MARCHF4: variants seen among roughly 807,000 people sequenced by gnomAD.
MARCHF4 encodes E3 ubiquitin-protein ligase MARCHF4.
MARCHF4 carries 14 observed loss-of-function variants against 43.9 expected under a neutral mutation model. The observed-to-expected ratio is 0.32, with a 90% CI of 0.21 to 0.50. MARCHF4 has a LOEUF of 0.50. Among genes scored for constraint, MARCHF4 ranks in the 20% least tolerant of loss-of-function variants. MARCHF4 has a pLI of 0.98. For missense variants in MARCHF4, 468 were observed against 536.7 expected (o/e 0.87, Z 1.27); for synonymous variants, 226 against 213.3 (o/e 1.06, Z -0.52).
intron 2 of MARCHF4, among the ~76,000 whole-genome samples, chr2:216,278,526 G>T (rs1691071880): frequency 6.6e-6 from 1 of 152,106 alleles, no homozygotes; most frequent in South Asian, 2.1e-4. Context: ...TGCCCAGCCT[G>T]CCCCCAGATC....
intron 1 of MARCHF4, among the ~76,000 whole-genome samples, chr2:216,368,552 A>G (rs1318905633): frequency 6.6e-6 from 1 of 152,214 alleles, no homozygotes; most frequent in Non-Finnish European, 1.5e-5. Context: ...AAAGCAAGAA[A>G]ATGAATGAAA....
chr2:216,354,932 T>TTTCTTTCTTTC (rs1692468031), intron 1 of MARCHF4, among the ~76,000 whole-genome samples: 2 of 134,590 alleles, frequency 1.5e-5, no homozygotes, highest in African/African-American at 5.8e-5. Flanking sequence ...TCTTTCTTTC[T>TTTCTTTCTTTC]TTCTTTCTTT....
At chr2:216,262,410 T>G (rs1690755593) in intron 3 of MARCHF4, among the ~76,000 whole-genome samples, 1 of 152,166 alleles carries the variant, frequency 6.6e-6, no homozygotes, top group Admixed American at 6.5e-5. Context: ...GAGAATTATA[T>G]GTACTTGCAA....
chr2:216,271,083 G>A (rs903082273), intron 3 of MARCHF4, among the ~76,000 whole-genome samples: 5 of 152,072 alleles, frequency 3.3e-5, no homozygotes, highest in African/African-American at 7.3e-5. Context: ...TTCCCCATTC[G>A]AAATTTTATC....
At chr2:216,359,949 AG>A (rs1692551684) in intron 1 of MARCHF4, among the ~76,000 whole-genome samples, 1 of 152,086 alleles carries the variant, frequency 6.6e-6, no homozygotes, top group Non-Finnish European at 1.5e-5. Flanking sequence ...CTCCTCCTCC[AG>A]GGCCCACACC....
At chr2:216,323,999 C>A (rs1466527992) in intron 1 of MARCHF4, among the ~76,000 whole-genome samples, 1 of 151,980 alleles carries the variant, frequency 6.6e-6, no homozygotes, top group African/African-American at 2.4e-5. Flanking sequence ...CACAAAAAAA[C>A]CCTTCAAAAA....
intron 1 of MARCHF4, among the ~76,000 whole-genome samples, chr2:216,320,624 TTTCTTTCTTTCTTTCTTTC>T (rs1691867082): frequency 1.2e-5 from 1 of 86,332 alleles, no homozygotes; most frequent in Non-Finnish European, 2.3e-5. Flanking sequence ...TCTTTCTTTC[TTTCTTTCTTTCTTTCTTTC>T]TTTCTTTCTT....
At chr2:216,357,678 T>C (rs945190757) in intron 1 of MARCHF4, among the ~76,000 whole-genome samples, 1 of 152,236 alleles carries the variant, frequency 6.6e-6, no homozygotes, top group Non-Finnish European at 1.5e-5. Context: ...AGTTATTTTA[T>C]AAAATCTCTC....
intron 1 of MARCHF4, among the ~76,000 whole-genome samples, chr2:216,310,676 T>C (rs1265541397): frequency 6.6e-6 from 1 of 152,186 alleles, no homozygotes; most frequent in Non-Finnish European, 1.5e-5. Flanking sequence ...ACCTTCAAAG[T>C]AGTGGTGGGT....
chr2:216,342,587 T>G (rs1259654146), intron 1 of MARCHF4, among the ~76,000 whole-genome samples: 2 of 152,028 alleles, frequency 1.3e-5, no homozygotes, highest in African/African-American at 4.8e-5. Flanking sequence ...TGAACCTGCA[T>G]GGAGAAGTGG....
chr2:216,326,575 T>C (rs968366090), intron 1 of MARCHF4, among the ~76,000 whole-genome samples: 23 of 151,828 alleles, frequency 1.5e-4, no homozygotes, highest in African/African-American at 5.1e-4. Context: ...TGTCCAACAA[T>C]GATAGACTGG....
At chr2:216,332,509 C>T (rs749645853) in intron 1 of MARCHF4, among the ~76,000 whole-genome samples, 114 of 151,250 alleles carry the variant, frequency 7.5e-4, no homozygotes, top group Non-Finnish European at 1.1e-3. Context: ...GCTCTGTATA[C>T]GTGCCAGTGC....
chr2:216,323,335 C>T (rs1691936557), intron 1 of MARCHF4, among the ~76,000 whole-genome samples: 2 of 152,134 alleles, frequency 1.3e-5, no homozygotes, highest in Admixed American at 6.5e-5. Context: ...CCCTGAATTT[C>T]AGTTTCAGCA....
intron 1 of MARCHF4, among the ~76,000 whole-genome samples, chr2:216,345,857 A>G (rs533640033): frequency 1.1e-4 from 17 of 152,230 alleles, no homozygotes; most frequent in African/African-American, 3.9e-4. Flanking sequence ...TATGCTAGAG[A>G]ACTAACCTCT....
intron 3 of MARCHF4, among the ~76,000 whole-genome samples, chr2:216,266,970 T>C (rs1232101418): frequency 1.3e-5 from 2 of 152,236 alleles, no homozygotes; most frequent in Non-Finnish European, 2.9e-5. Context: ...AAGTAGTTTA[T>C]TTAAGTAAAC....
At chr2:216,312,268 G>C (rs1157141017) in intron 1 of MARCHF4, among the ~76,000 whole-genome samples, 2 of 152,118 alleles carry the variant, frequency 1.3e-5, no homozygotes, top group Non-Finnish European at 2.9e-5. Flanking sequence ...CTTCATCCAT[G>C]TTGCTACAAA....
rs185820248 is a variant in MARCHF4 at position 216,278,635 on chromosome 2, T to A, written c.673-771A>T. Among the ~76,000 whole-genome samples the A allele has an allele frequency of 7.4e-4, 113 of 152,304 alleles. 2 individuals carry two copies. In the East Asian group the frequency reaches 0.015, roughly 20 times the overall value. On this transcript the variant is annotated intron_variant, in intron 2 of 3. Coordinates refer to ENST00000273067, the MANE Select transcript of MARCHF4 (RefSeq NM_020814.3). ...TTTTTTTTTCTTGCTTTCTACAACA[T>A]CACCTTGCATGCCTCTTAATTTATA...
At chr2:216,283,535 C>T in intron 2 of MARCHF4, 39 bp downstream of exon 2, 1 of 1,552,086 alleles carries the variant, frequency 6.4e-7, no homozygotes, top group South Asian at 1.2e-5. Flanking sequence ...TGTGGAAGCC[C>T]CAGGCCCAGC....
At position 216,259,009 on chromosome 2, in the gene MARCHF4, A is replaced by C; in HGVS notation, c.*303T>G. 4.2e-6 allele frequency: 1 copy of C among 236,280 alleles called. No homozygotes were observed. The highest frequency in any genetic ancestry group is 8.3e-6 in the Non-Finnish European group (1 of 120,212). The allele number at this position is 236,280 out of a possible 1,614,324, so 14.6% of individuals were successfully genotyped here. A position where few individuals can be genotyped will look rare whatever the true frequency, so the allele number is the denominator to read the frequency against. On this transcript the variant is annotated 3_prime_UTR_variant, in exon 4 of 4. Transcript: ENST00000273067. Reference sequence around the variant, plus strand: ...GCCCTCAGCCTCTGCTTCTTCGGGTACCTTGCCTGCAGGTGCATTGGGGCA... The same window carrying C: ...GCCCTCAGCCTCTGCTTCTTCGGGTCCCTTGCCTGCAGGTGCATTGGGGCA...
Sources: allele counts gnomAD v4.1 joint callset (sites outside exome capture counted in the v4.1 genomes callset), GRCh38; gene constraint gnomAD v4.1.1; transcripts MANE v1.5; gene names NCBI Gene and HGNC (gene_info 2026-07-23, HGNC 2026-07-21).